The following GABRB1 variants were observed in gnomAD, a reference collection of about 807,000 sequenced individuals.
GABRB1 encodes gamma-aminobutyric acid type A receptor subunit beta1, also known as gamma-aminobutyric acid receptor subunit beta-1.
Under a neutral mutation model 51.6 loss-of-function variants are expected in GABRB1, and 17 were observed. The ratio of observed to expected loss-of-function variants is 0.33; its 90% CI spans 0.23 to 0.49. The LOEUF (loss-of-function observed/expected upper bound fraction) is 0.49, where lower values mean the gene tolerates loss of function less well. GABRB1 is among the 20% of genes least tolerant of loss of function. The pLI, the probability that GABRB1 is intolerant of heterozygous loss-of-function variation, is 0.99. For missense variants in GABRB1, 410 were observed against 600.6 expected, an observed-to-expected ratio of 0.68 and a Z score of 3.32; for synonymous variants, 247 against 218.9, an observed-to-expected ratio of 1.13 and a Z score of -1.14.
chr4:47,284,320 C>G (rs562081522), intron 4 of GABRB1, among the ~76,000 whole-genome samples: 47 of 152,136 alleles, frequency 3.1e-4, no homozygotes, highest in African/African-American at 8.2e-4. Flanking sequence ...GGCCCTATTG[C>G]CCATCATGAG....
At chr4:47,133,341 T>G (rs1040558975) in intron 3 of GABRB1, among the ~76,000 whole-genome samples, 10 of 152,128 alleles carry the variant, frequency 6.6e-5, no homozygotes. Context: ...TCACTCCCAA[T>G]TTGTCAGTGT....
At chr4:47,302,656 G>T (rs1724303515) in intron 4 of GABRB1, among the ~76,000 whole-genome samples, 1 of 151,836 alleles carries the variant, frequency 6.6e-6, no homozygotes, top group African/African-American at 2.4e-5. Context: ...AAGATTTTCA[G>T]GGTACAAGAT....
intron 4 of GABRB1, among the ~76,000 whole-genome samples, chr4:47,227,529 A>G (rs1720987292): frequency 1.3e-5 from 2 of 152,244 alleles, no homozygotes; most frequent in African/African-American, 2.4e-5. Context: ...ACTGCGGTGA[A>G]GTTATAACCA....
intron 4 of GABRB1, among the ~76,000 whole-genome samples, chr4:47,295,428 T>C (rs1414681135): frequency 6.6e-6 from 1 of 152,084 alleles, no homozygotes. Context: ...CTGATGGAGC[T>C]GAAAGCCAAG....
intron 4 of GABRB1, among the ~76,000 whole-genome samples, chr4:47,220,839 G>C (rs1265979502): frequency 6.6e-6 from 1 of 151,790 alleles, no homozygotes; most frequent in Non-Finnish European, 1.5e-5. Context: ...AGCCCCTCTT[G>C]TGGCTTCTCT....
At chr4:47,401,690 G>T (rs1467760595) in intron 5 of GABRB1, among the ~76,000 whole-genome samples, 6 of 152,172 alleles carry the variant, frequency 3.9e-5, no homozygotes, top group Non-Finnish European at 7.4e-5. Context: ...AAGGAATCTG[G>T]GTTGAATATA....
intron 5 of GABRB1, among the ~76,000 whole-genome samples, chr4:47,327,650 G>GT (rs972309816): frequency 2.0e-5 from 3 of 151,982 alleles, no homozygotes; most frequent in African/African-American, 7.3e-5. Context: ...AGTCCTTGTC[G>GT]TATGTATTTA....
intron 1 of GABRB1, among the ~76,000 whole-genome samples, chr4:47,009,955 G>C (rs1724537848): frequency 6.6e-6 from 1 of 152,138 alleles, no homozygotes; most frequent in African/African-American, 2.4e-5. Flanking sequence ...CCTTTTTAAA[G>C]GCTCTACTAA....
intron 4 of GABRB1, among the ~76,000 whole-genome samples, chr4:47,251,580 G>A (rs2109864023): frequency 6.6e-6 from 1 of 152,262 alleles, no homozygotes; most frequent in Non-Finnish European, 1.5e-5. Flanking sequence ...GTCAGAGCTA[G>A]GCATGTCTGA....
chr4:47,044,027 T>G (rs577856849), intron 3 of GABRB1, among the ~76,000 whole-genome samples: 1 of 152,198 alleles, frequency 6.6e-6, no homozygotes, highest in East Asian at 1.9e-4. Context: ...ATTTCCTGAA[T>G]TTGGGAGTTG....
chr4:47,132,642 C>T (rs1716476097), intron 3 of GABRB1, among the ~76,000 whole-genome samples: 1 of 152,144 alleles, frequency 6.6e-6, no homozygotes. Context: ...GAATACTCAA[C>T]TGGAAATACT....
chr4:47,223,759 A>G (rs566704873), intron 4 of GABRB1, among the ~76,000 whole-genome samples: 1 of 152,182 alleles, frequency 6.6e-6, no homozygotes, highest in South Asian at 2.1e-4. Context: ...TATGTTCCAT[A>G]TGTTTAGACT....
intron 3 of GABRB1, among the ~76,000 whole-genome samples, chr4:47,103,799 T>C (rs1167212095): frequency 6.6e-6 from 1 of 151,762 alleles, no homozygotes; most frequent in Non-Finnish European, 1.5e-5. Flanking sequence ...TACAGAAAAA[T>C]AAGCCAGGCA....
chr4:47,381,954 C>A (rs534437730), intron 5 of GABRB1, among the ~76,000 whole-genome samples: 1 of 152,310 alleles, frequency 6.6e-6, no homozygotes, highest in Admixed American at 6.5e-5. Context: ...GTATCCTCCC[C>A]CCTCCAAGTA....
At chr4:47,146,659 T>C (rs1334178181) in intron 3 of GABRB1, among the ~76,000 whole-genome samples, 3 of 152,038 alleles carry the variant, frequency 2.0e-5, no homozygotes, top group Admixed American at 2.0e-4. Context: ...GTCCTGGTGA[T>C]AATTATGCAC....
chr4:47,373,007 G>A (rs891510673), intron 5 of GABRB1, among the ~76,000 whole-genome samples: 1 of 152,092 alleles, frequency 6.6e-6, no homozygotes, highest in Non-Finnish European at 1.5e-5. Flanking sequence ...CCCTCTTAGA[G>A]GGTCCACATG....
At chr4:47,323,529 G>T (rs947621230) in intron 5 of GABRB1, among the ~76,000 whole-genome samples, 1 of 152,082 alleles carries the variant, frequency 6.6e-6, no homozygotes, top group Non-Finnish European at 1.5e-5. Flanking sequence ...TTTCTGACTT[G>T]ACAGTGTATC....
chr4:47,361,266 A>G (rs1452545125), intron 5 of GABRB1, among the ~76,000 whole-genome samples: 1 of 152,176 alleles, frequency 6.6e-6, no homozygotes, highest in African/African-American at 2.4e-5. Context: ...CTGGGGACTT[A>G]AGGAAAGCGT....
intron 3 of GABRB1, among the ~76,000 whole-genome samples, chr4:47,067,089 C>T (rs1246763658): frequency 2.0e-5 from 3 of 152,124 alleles, no homozygotes; most frequent in African/African-American, 7.2e-5. Flanking sequence ...TCTTGGGTGA[C>T]CAGGTACATT....
Sources: allele counts gnomAD v4.1 joint callset (sites outside exome capture counted in the v4.1 genomes callset), GRCh38; gene constraint gnomAD v4.1.1; transcripts MANE v1.5; gene names NCBI Gene and HGNC (gene_info 2026-07-23, HGNC 2026-07-21).